The following KLHL41 variants were observed in gnomAD, a reference collection of about 807,000 sequenced individuals.
The protein encoded by KLHL41 is kelch like family member 41.
A neutral mutation model predicts 49.2 loss-of-function variants in KLHL41; 31 were observed. The ratio of observed to expected loss-of-function variants is 0.63; its 90% CI spans 0.47 to 0.85. The LOEUF (loss-of-function observed/expected upper bound fraction) is 0.85, where lower values mean the gene tolerates loss of function less well. Ranked by LOEUF, KLHL41 falls within the 40% of genes least tolerant of loss-of-function variation. The probability of loss-of-function intolerance (pLI) is 0.00; values close to 1 mark genes in which losing one functional copy is unlikely to be tolerated. For missense variants in KLHL41, 663 were observed against 726.7 expected (o/e 0.91, Z 1.01); for synonymous variants, 218 against 258.5 (o/e 0.84, Z 1.50).
In KLHL41 at chr2:169,510,653, TGAATGACATTCCCAGGCATG is replaced by T; in HGVS notation, c.881_900del (p.Asp294ValfsTer10). The T allele has an allele frequency of 6.2e-7, 1 of 1,614,162 alleles. No individual in the cohort carries two copies. Among genetic ancestry groups the T allele is most frequent in the Non-Finnish European group, 8.5e-7 (1 of 1,180,022 alleles). On this transcript the variant is annotated frameshift_variant, in exon 1 of 6. Coordinates refer to ENST00000284669, the MANE Select transcript of KLHL41 (RefSeq NM_006063.3). LOFTEE classifies it high-confidence loss of function. The surrounding 1 kb of genome is among the most constrained non-coding windows in gnomAD (Gnocchi z 4.2). ...GATGAAGATTTACTTCCTGGTTACC[TGAATGACATTCCCAGGCATG>T]GAATGTTTGTAAAAGACCTCATCCT...
intron 2 of KLHL41, 30 bp from the exon 3 acceptor site, chr2:169,514,824 G>A: frequency 6.3e-7 from 1 of 1,591,062 alleles, no homozygotes; most frequent in South Asian, 1.1e-5. Flanking sequence ...TTTACTGAAG[G>A]TATATAAATT....
rs756382452 is a variant in KLHL41, at chr2:169,510,132, G to A, written c.354G>A (p.Val118=). The A allele has an allele frequency of 6.2e-7, 1 of 1,614,082 alleles. No individual in the cohort carries two copies. Among genetic ancestry groups the A allele is most frequent in the Admixed American group, 1.7e-5 (1 of 60,016 alleles). The change falls in exon 1 of 6, where the codon GTG becomes GTA. Residue 118 remains valine, a synonymous_variant. Transcript: ENST00000284669. The surrounding 1 kb of genome is among the most constrained non-coding windows in gnomAD (Gnocchi z 4.2). ...ALASRFQIPS[V]FTVCVSYLQK... ...CCAGCCGCTTTCAGATCCCCTCAGTGTTTACTGTCTGCGTTTCTTATCTTC... is the reference window on the plus strand; with the variant it reads ...CCAGCCGCTTTCAGATCCCCTCAGTATTTACTGTCTGCGTTTCTTATCTTC...
At chr2:169,517,128 T>C (rs549846596) in intron 3 of KLHL41, among the ~76,000 whole-genome samples, 1 of 152,304 alleles carries the variant, frequency 6.6e-6, no homozygotes, top group African/African-American at 2.4e-5. Context: ...ATGATACCAA[T>C]AGTCAAATAT....
Position 169,518,324 on chromosome 2 carries a change from C to G in KLHL41, c.1511C>G (p.Thr504Ser), listed in dbSNP as rs758398824. The G allele has an allele frequency of 6.2e-7, 1 of 1,613,916 alleles. No individual in the cohort carries two copies. Among genetic ancestry groups the G allele is most frequent in the Non-Finnish European group, 8.5e-7 (1 of 1,179,920 alleles). ...AAAATTGTGATTGCAGGAGGTGTCACTGAAGATGGTCTTTCAGCTTCAGTT... is the reference window on the plus strand; with the variant it reads ...AAAATTGTGATTGCAGGAGGTGTCAGTGAAGATGGTCTTTCAGCTTCAGTT... ...KGKIVIAGGVTEDGLSASVEA... is the reference protein window; with the variant it reads ...KGKIVIAGGVSEDGLSASVEA... Residue 504 changes from threonine to serine, a missense_variant, in exon 4 of 6, where the codon ACT becomes AGT. This residue lies in a region of KLHL41 where 528 missense variants were observed against 581.0 expected (regional missense o/e 0.91). Transcript: ENST00000284669.
At position 169,525,854 on chromosome 2, in the gene KLHL41, T is replaced by C. The variant is rs1299588398; in HGVS notation, c.*158T>C. The C allele has an allele frequency of 1.2e-5, 6 of 486,590 alleles. No homozygotes were observed. Among genetic ancestry groups the C allele is most frequent in the East Asian group, 3.1e-5 (1 of 32,438 alleles). 30.1% of individuals were successfully genotyped at this position (486,590 alleles called of 1,614,324 possible). ...GCAGTAGGTAAGAAAACCTCAGTCA[T>C]TGACTCTTCAATGTAATGATCAGAG... On this transcript the variant is annotated 3_prime_UTR_variant, in exon 6 of 6. Transcript: ENST00000284669.
Position 169,514,874 on chromosome 2 carries a change from T to TA in KLHL41, c.1296dup (p.Leu433ThrfsTer9), listed in dbSNP as rs1288106608. 7 of 1,608,086 alleles carry TA rather than the reference T, an allele frequency of 4.4e-6. No homozygotes were observed. The East Asian group carries it at 6.7e-5, about 15-fold the overall frequency. On this transcript the variant is annotated frameshift_variant, in exon 3 of 6. Transcript: ENST00000284669. LOFTEE classifies it high-confidence loss of function. ...TTTAGGGCTGCAAAATGGAACGAAG[T>TA]AAAAAAACTCCCTATCAAAGTCTAT...
intron 1 of KLHL41, among the ~76,000 whole-genome samples, chr2:169,513,946 T>A (rs749298911): frequency 1.3e-5 from 2 of 152,108 alleles, no homozygotes; most frequent in South Asian, 2.1e-4. Context: ...ATAAATTTTT[T>A]AAAAAAGAGA....
Position 169,520,972 on chromosome 2 carries a change from A to G in KLHL41, c.1674A>G (p.Lys558=), listed in dbSNP as rs777120116. 1.2e-5 allele frequency: 20 copies of G among 1,613,968 alleles called. No homozygotes were observed. In the East Asian group the frequency reaches 4.2e-4, roughly 34 times the overall value. ...GGFAMIQLES[K]EFAPTEVNDI... ...TTGCTATGATTCAACTGGAGTCTAAAGAATTTGCACCCACTGAAGTCAATG... is the reference window on the plus strand; with the variant it reads ...TTGCTATGATTCAACTGGAGTCTAAGGAATTTGCACCCACTGAAGTCAATG... Residue 558 remains lysine (K), a synonymous_variant, in exon 5 of 6, where the codon AAA becomes AAG. Transcript: ENST00000284669.
Position 169,509,811 on chromosome 2 carries a change from G to C in KLHL41, c.33G>C (p.Leu11=). The change falls in exon 1 of 6, where the codon CTG becomes CTC. Residue 11 remains leucine, a synonymous_variant. Coordinates refer to ENST00000284669, the MANE Select transcript of KLHL41 (RefSeq NM_006063.3). MDSQRELAEE[L]RLYQSTLLQD... is the part of the protein sequence containing the mutation. The stretch of plus-strand genomic sequence containing the variant: ...CCCAGCGGGAACTTGCAGAGGAACT[G>C]CGGCTTTACCAATCCACCCTTCTTC... 2 of 1,612,994 alleles carry C rather than the reference G, an allele frequency of 1.2e-6. No individual in the cohort carries two copies. Among genetic ancestry groups the C allele is most frequent in the Middle Eastern group, 1.6e-4 (1 of 6,062 alleles).
chr2:169,520,152 C>CTGTGTG lies in KLHL41; in HGVS notation c.1563-657_1563-652dup, dbSNP rs59155387. The stretch of plus-strand genomic sequence containing the variant: ...TAGGGACATACCACCAGGCCTAGCT[C>CTGTGTG]TGTGTGTGTGTGTGTGTGTGTGTGT... On this transcript the variant is annotated intron_variant, in intron 4 of 5. Transcript: ENST00000284669. Among the ~76,000 whole-genome samples the CTGTGTG allele has an allele frequency of 1.1e-3, 112 of 105,026 alleles. 2 individuals are homozygous for CTGTGTG. Among genetic ancestry groups the CTGTGTG allele is most frequent in the African/African-American group, 1.5e-3 (38 of 25,228 alleles). 68.9% of individuals were successfully genotyped at this position (105,026 alleles called of 152,430 possible). A position where few individuals can be genotyped will look rare whatever the true frequency, so the allele number is the denominator to read the frequency against.
At chr2:169,514,540 A>G in intron 1 of KLHL41, 34 bp from the exon 2 acceptor site, 2 of 1,576,114 alleles carry the variant, frequency 1.3e-6, no homozygotes, top group Non-Finnish European at 1.7e-6. Context: ...TTTTTCTAAC[A>G]GGCTCCACAA....
At chr2:169,514,501 G>C in intron 1 of KLHL41, 73 bp from the exon 2 acceptor site, 1 of 1,290,002 alleles carries the variant, frequency 7.8e-7, no homozygotes, top group Non-Finnish European at 1.1e-6. Flanking sequence ...AACATATAAA[G>C]TATAACTTTT....
intron 5 of KLHL41, among the ~76,000 whole-genome samples, chr2:169,524,576 T>G (rs1026946903): frequency 1.1e-4 from 16 of 152,020 alleles, no homozygotes; most frequent in Non-Finnish European, 2.1e-4. Context: ...TTTTATATTT[T>G]TAGTAGAGAC....
At chr2:169,517,085 T>C (rs982786340) in intron 3 of KLHL41, among the ~76,000 whole-genome samples, 8 of 152,184 alleles carry the variant, frequency 5.3e-5, no homozygotes, top group African/African-American at 1.9e-4. Context: ...AAGAACGTGA[T>C]TTTGGATAAT....
At chr2:169,521,079 A>C in intron 5 of KLHL41, 72 bp downstream of exon 5, 1 of 1,427,584 alleles carries the variant, frequency 7.0e-7, no homozygotes, top group Non-Finnish European at 9.7e-7. Context: ...TTTGTAGTAA[A>C]CAATAAGCCA....
chr2:169,510,518 A>G lies in KLHL41; in HGVS notation c.740A>G (p.Asp247Gly). 1 of 1,613,434 alleles carries G rather than the reference A, an allele frequency of 6.2e-7. No individual in the cohort carries two copies. The highest frequency in any genetic ancestry group is 8.5e-7 in the Non-Finnish European group (1 of 1,179,896). Residue 247 changes from aspartate to glycine, a missense_variant, in exon 1 of 6, where the codon GAC becomes GGC. By Grantham distance (94) the Asp-to-Gly change is moderately conservative. Coordinates refer to ENST00000284669, the MANE Select transcript of KLHL41 (RefSeq NM_006063.3). The surrounding 1 kb of genome is among the most constrained non-coding windows in gnomAD (Gnocchi z 4.2). ...EKDDIIKSNP[D>G]LQKKIKVLKD... ...GATGATATAATTAAAAGCAACCCAG[A>G]CCTCCAGAAAAAAATCAAAGTTCTA... is the stretch of plus-strand genomic sequence containing the variant.
rs377094281 is a variant in KLHL41 at position 169,515,225 on chromosome 2, G to A, written c.1376+264G>A. 8.6e-5 allele frequency among the ~76,000 whole-genome samples: 13 copies of A among 151,972 alleles called. No individual in the cohort carries two copies. In the East Asian group the frequency reaches 2.1e-3, roughly 25 times the overall value. ...ATTTTGTATTTTTAGTAGAGACAGG[G>A]TTTCTCCATGTTGGTCAGGCTGGTC... On this transcript the variant is annotated intron_variant, in intron 3 of 5. Coordinates refer to ENST00000284669, the MANE Select transcript of KLHL41 (RefSeq NM_006063.3).
At chr2:169,517,536 G>A (rs768409539) in intron 3 of KLHL41, among the ~76,000 whole-genome samples, 5 of 152,210 alleles carry the variant, frequency 3.3e-5, no homozygotes, top group East Asian at 1.9e-4. Context: ...CCCTGGATGC[G>A]GAGGTTGCGG....
chr2:169,510,643 C>T lies in KLHL41; in HGVS notation c.865C>T (p.Pro289Ser). The T allele has an allele frequency of 3.7e-6, 6 of 1,614,094 alleles. No individual in the cohort carries two copies. The highest frequency in any genetic ancestry group is 5.1e-6 in the Non-Finnish European group (6 of 1,180,008). Residue 289 changes from proline to serine, a missense_variant, in exon 1 of 6, where the codon CCT (proline) becomes TCT (serine). Around this residue, in one of 3 missense-constraint regions of KLHL41, gnomAD observed 528 missense variants for 581.0 expected, o/e 0.91. Coordinates refer to ENST00000284669, the MANE Select transcript of KLHL41 (RefSeq NM_006063.3). This position sits in a 1 kb window ranked among gnomAD's most constrained non-coding sequence, Gnocchi z 4.2. ...NGDVGDEDLL[P>S]GYLNDIPRHG... ...TGATGTTGGTGATGAAGATTTACTT[C>T]CTGGTTACCTGAATGACATTCCCAG...
Sources: allele counts gnomAD v4.1 joint callset (sites outside exome capture counted in the v4.1 genomes callset), GRCh38; gene constraint gnomAD v4.1.1; regional missense constraint gnomAD v4.1.1; non-coding constraint Gnocchi (gnomAD v3.1); transcripts MANE v1.5; gene names NCBI Gene and HGNC (gene_info 2026-07-23, HGNC 2026-07-21).